KIF17: variants seen among roughly 807,000 people sequenced by gnomAD.
The protein encoded by KIF17 is kinesin family member 17.
A neutral mutation model predicts 96.8 loss-of-function variants in KIF17; 80 were observed. That is an observed-to-expected ratio of 0.83 (90% CI 0.69 to 1.00). KIF17 has a LOEUF of 1.00. Ranked by LOEUF, KIF17 falls within the 50% of genes least tolerant of loss-of-function variation. The pLI is 0.00. For missense variants in KIF17, 1,280 were observed against 1,372.9 expected (o/e 0.93, Z 1.07); for synonymous variants, 567 against 587.5 (o/e 0.97, Z 0.51).
chr1:20,695,286 C>T (rs922975277), intron 6 of KIF17, among the ~76,000 whole-genome samples: 5 of 152,160 alleles, frequency 3.3e-5, no homozygotes, highest in Admixed American at 6.5e-5. Flanking sequence ...CTCCTGGGTT[C>T]AACCGATTCT....
Position 20,709,941 on chromosome 1 carries a change from T to A in KIF17, c.481-113A>T. The A allele has an allele frequency of 1.0e-6, 1 of 976,716 alleles. No individual in the cohort carries two copies. Among genetic ancestry groups the A allele is most frequent in the Non-Finnish European group, 1.6e-6 (1 of 633,558 alleles). The allele number at this position is 976,716 out of a possible 1,614,324, so 60.5% of individuals were successfully genotyped here. A position where few individuals can be genotyped will look rare whatever the true frequency, so the allele number is the denominator to read the frequency against. On this transcript the variant is annotated intron_variant, in intron 3 of 14. Coordinates refer to ENST00000400463, the MANE Select transcript of KIF17 (RefSeq NM_001122819.3). The surrounding 1 kb of genome is among the most constrained non-coding windows in gnomAD (Gnocchi z 4.7). ...CATCCAGACCGCCCTCGCCCTCCTG[T>A]AATGCAGGCTGGCACCTCACATGCC... is the stretch of plus-strand genomic sequence containing the variant.
intron 11 of KIF17, among the ~76,000 whole-genome samples, chr1:20,681,417 C>T (rs2053828611): frequency 6.6e-6 from 1 of 151,866 alleles, no homozygotes; most frequent in Admixed American, 6.6e-5. Context: ...GTCTTGAACT[C>T]CTGACCTCCA....
At position 20,709,322 on chromosome 1, in the gene KIF17, A is replaced by C. The variant is rs1256654654; in HGVS notation, c.670+317T>G. Among the ~76,000 whole-genome samples, 1 of 150,734 alleles carries C rather than the reference A, an allele frequency of 6.6e-6. No individual in the cohort carries two copies. Among genetic ancestry groups the C allele is most frequent in the Non-Finnish European group, 1.5e-5 (1 of 67,532 alleles). On this transcript the variant is annotated intron_variant, in intron 4 of 14. Coordinates refer to ENST00000400463, the MANE Select transcript of KIF17 (RefSeq NM_001122819.3). The surrounding 1 kb of genome is among the most constrained non-coding windows in gnomAD (Gnocchi z 4.7). ...CCCGAGCCTGGGAGGCAGAGGTTGC[A>C]GTGAGCCGAGATCACCACTGCACTC...
rs2054189962 is a variant in KIF17, at chr1:20,699,034, C to G, written c.1124-546G>C. ...GTGGGATTATAACTCACTGAGGCCT[C>G]AAATTCCTGGGCTCAAATGATCCTC... On this transcript the variant is annotated intron_variant, in intron 5 of 14. Coordinates refer to ENST00000400463, the MANE Select transcript of KIF17 (RefSeq NM_001122819.3). The surrounding 1 kb of genome is among the most constrained non-coding windows in gnomAD (Gnocchi z 4.3). Among the ~76,000 whole-genome samples, 1 of 152,108 alleles carries G rather than the reference C, an allele frequency of 6.6e-6. No homozygotes were observed. Among genetic ancestry groups the G allele is most frequent in the Non-Finnish European group, 1.5e-5 (1 of 68,030 alleles).
At chr1:20,702,040 G>C (rs2054246811) in intron 5 of KIF17, among the ~76,000 whole-genome samples, 1 of 152,234 alleles carries the variant, frequency 6.6e-6, no homozygotes. Flanking sequence ...CAGCTCCAAA[G>C]TGAAGGCCGC....
intron 4 of KIF17, among the ~76,000 whole-genome samples, chr1:20,706,989 AG>A (rs2054353637): frequency 6.6e-6 from 1 of 152,046 alleles, no homozygotes; most frequent in South Asian, 2.1e-4. Flanking sequence ...CCAGCTACTC[AG>A]GAGGCTGAGG....
intron 3 of KIF17, 98 bp downstream of exon 3, chr1:20,713,356 G>A (rs943565792): frequency 9.5e-6 from 8 of 841,576 alleles, no homozygotes; most frequent in East Asian, 2.8e-5. Context: ...TCCCAGTGCC[G>A]GCACCCTCAG....
At chr1:20,695,928 T>C (rs540420203) in intron 6 of KIF17, among the ~76,000 whole-genome samples, 1 of 152,268 alleles carries the variant, frequency 6.6e-6, no homozygotes, top group East Asian at 1.9e-4. Flanking sequence ...AAGGACTGAA[T>C]GGCGGAGCTG....
chr1:20,662,943 A>G (rs2053461826), downstream of KIF17, among the ~76,000 whole-genome samples: 1 of 152,150 alleles, frequency 6.6e-6, no homozygotes, highest in African/African-American at 2.4e-5. Context: ...AAGACCTGAT[A>G]TCGACCAGGC....
Position 20,700,062 on chromosome 1 carries a change from TTTTTGTTTTG to T in KIF17, c.1124-1584_1124-1575del, listed in dbSNP as rs929394507. ...GCAGCAGTGAACTGGCTGTAGCCAG[TTTTTGTTTTG>T]TTTTGTTTTGTTTTTTGAGACGGGG... is the stretch of plus-strand genomic sequence containing the variant. On this transcript the variant is annotated intron_variant, in intron 5 of 14. Coordinates refer to ENST00000400463, the MANE Select transcript of KIF17 (RefSeq NM_001122819.3). The surrounding 1 kb of genome is among the most constrained non-coding windows in gnomAD (Gnocchi z 4.6). Among the ~76,000 whole-genome samples, 1 of 151,808 alleles carries T rather than the reference TTTTTGTTTTG, an allele frequency of 6.6e-6. No homozygotes were observed. The highest frequency in any genetic ancestry group is 1.5e-5 in the Non-Finnish European group (1 of 67,922).
intron 11 of KIF17, among the ~76,000 whole-genome samples, chr1:20,678,362 A>C (rs2053773315): frequency 6.6e-6 from 1 of 152,108 alleles, no homozygotes; most frequent in African/African-American, 2.4e-5. Context: ...ACACAGCCAA[A>C]CCATAACAGT....
chr1:20,696,730 G>A (rs904417804), intron 6 of KIF17, among the ~76,000 whole-genome samples: 26 of 152,058 alleles, frequency 1.7e-4, no homozygotes, highest in African/African-American at 5.8e-4. Flanking sequence ...GAGCCCCCCG[G>A]GCTGTGACTC....
In KIF17 at chr1:20,688,063, T is replaced by C; in HGVS notation, c.1382-119A>G. On this transcript the variant is annotated intron_variant, in intron 7 of 14. Coordinates refer to ENST00000400463, the MANE Select transcript of KIF17 (RefSeq NM_001122819.3). ...TTGTTTGTTTTTTTTTTGTTTTTTT[T>C]TGAGACAGAGTCTTGCTCTGTCGCC... is the stretch of plus-strand genomic sequence containing the variant. The C allele has an allele frequency of 3.4e-6, 3 of 890,108 alleles. No individual in the cohort carries two copies. In the South Asian group the frequency reaches 4.5e-5, roughly 13 times the overall value. The allele number at this position is 890,108 out of a possible 1,614,324, so 55.1% of individuals were successfully genotyped here.
Position 20,694,486 on chromosome 1 carries a change from G to C in KIF17, c.1233+3893C>G, listed in dbSNP as rs2054098398. ...GCAAGGCATTTATGAATTAAAGATAGTCTGGGATCCTTTGTCTCCTGGAGC... is the reference window on the plus strand; with the variant it reads ...GCAAGGCATTTATGAATTAAAGATACTCTGGGATCCTTTGTCTCCTGGAGC... On this transcript the variant is annotated intron_variant, in intron 6 of 14. Transcript: ENST00000400463. 2.6e-5 allele frequency among the ~76,000 whole-genome samples: 4 copies of C among 152,320 alleles called. 1 individual carries two copies. The South Asian group carries it at 8.3e-4, about 32-fold the overall frequency.
At chr1:20,674,230 G>A (rs1570435741) in intron 11 of KIF17, among the ~76,000 whole-genome samples, 2 of 151,690 alleles carry the variant, frequency 1.3e-5, no homozygotes, top group South Asian at 4.2e-4. Context: ...CACCCAGCAC[G>A]ATAATTTTTG....
chr1:20,686,328 G>A (rs1570450425), intron 8 of KIF17: 2 of 628,144 alleles, frequency 3.2e-6, no homozygotes, highest in South Asian at 3.6e-5. Flanking sequence ...ACGGAAGACA[G>A]GCGTGTGGTG....
intron 13 of KIF17, among the ~76,000 whole-genome samples, chr1:20,667,947 T>G (rs1404667048): frequency 2.7e-5 from 4 of 150,218 alleles, no homozygotes; most frequent in Non-Finnish European, 4.4e-5. Flanking sequence ...GAGGCAGAGG[T>G]TGCGGTGAGC....
intron 1 of KIF17, among the ~76,000 whole-genome samples, 200 bp from the exon 2 acceptor site, chr1:20,715,839 G>C (rs569757569): frequency 6.6e-6 from 1 of 152,256 alleles, no homozygotes; most frequent in Non-Finnish European, 1.5e-5. Context: ...CCTGTGTGTG[G>C]ATGGGGAAGA....
In KIF17 at chr1:20,704,412, C is replaced by T; in HGVS notation, c.1123+35G>A. On this transcript the variant is annotated intron_variant, in intron 5 of 14. Coordinates refer to ENST00000400463, the MANE Select transcript of KIF17 (RefSeq NM_001122819.3). The surrounding 1 kb of genome is among the most constrained non-coding windows in gnomAD (Gnocchi z 6.8). ...GGGAAGGAAGCTTTCTCCTGGGGAC[C>T]TGGCCCTCCCGCCACTACCCCAACG... 10 of 1,563,018 alleles carry T rather than the reference C, an allele frequency of 6.4e-6. No individual in the cohort carries two copies. The highest frequency in any genetic ancestry group is 8.8e-6 in the Non-Finnish European group (10 of 1,140,116).
Sources: gnomAD v4.1 joint callset for allele counts (sites outside exome capture counted in the v4.1 genomes callset) on GRCh38, gnomAD v4.1.1 for gene constraint, Gnocchi (gnomAD v3.1) non-coding constraint, MANE v1.5 for transcripts, NCBI Gene and HGNC (gene_info 2026-07-23, HGNC 2026-07-21) for gene names.